The following LGALS9B variants were observed in gnomAD, a reference collection of about 807,000 sequenced individuals.
LGALS9B encodes galectin 9B.
A neutral mutation model predicts 35.9 loss-of-function variants in LGALS9B; 8 were observed. The ratio of observed to expected loss-of-function variants is 0.22; its 90% CI spans 0.13 to 0.40. The LOEUF (loss-of-function observed/expected upper bound fraction) is 0.40. Ranked by LOEUF, LGALS9B falls within the 10% of genes least tolerant of loss-of-function variation. The pLI is 1.00. For missense variants in LGALS9B, 101 were observed against 397.9 expected (o/e 0.25, Z 6.35); for synonymous variants, 42 against 148.6 (o/e 0.28, Z 5.22).
At chr17:20,463,987 C>T (rs1337962459) in intron 1 of LGALS9B, among the ~76,000 whole-genome samples, 1 of 151,396 alleles carries the variant, frequency 6.6e-6, no homozygotes, top group East Asian at 2.0e-4. Flanking sequence ...CCAATGTAAT[C>T]ACAAAGGTCC....
intron 10 of LGALS9B, among the ~76,000 whole-genome samples, chr17:20,451,262 T>C (rs56340236): frequency 0.4 from 52,169 of 130,740 alleles, 7,703 homozygotes; most frequent in Middle Eastern, 0.47. Context: ...CACTTGTGAG[T>C]TTCTTTCCTC....
intron 1 of LGALS9B, among the ~76,000 whole-genome samples, chr17:20,461,391 T>C (rs1471168853): frequency 7.9e-5 from 12 of 152,048 alleles, no homozygotes; most frequent in Non-Finnish European, 1.6e-4. Flanking sequence ...GCTTCACCAC[T>C]GTCACCCACC....
rs1442231608 is a variant in LGALS9B at position 20,454,553 on chromosome 17, G to T, written c.540+750C>A. Among the ~76,000 whole-genome samples, 7 of 148,440 alleles carry T rather than the reference G, an allele frequency of 4.7e-5. No individual in the cohort carries two copies. In the Admixed American group the frequency reaches 4.7e-4, roughly 10 times the overall value. On this transcript the variant is annotated intron_variant, in intron 5 of 10. Coordinates refer to ENST00000423676, the MANE Select transcript of LGALS9B (RefSeq NM_001367292.2). ...TAGGGAGATGGGGGTGGAGTGACAG[G>T]GACAGACACGCAAACAGTTACAATG... is the stretch of plus-strand genomic sequence containing the variant.
At position 20,460,345 on chromosome 17, in the gene LGALS9B, C is replaced by G; in HGVS notation, c.131+7G>C. The G allele has an allele frequency of 1.9e-6, 3 of 1,603,354 alleles. No homozygotes were observed. The highest frequency in any genetic ancestry group is 2.6e-6 in the Non-Finnish European group (3 of 1,171,828). ...GGAGTGAAACGTTTCCATCCATATA[C>G]ACACACCTGGTTCCACTGGAGCTGA... On this transcript the variant is annotated splice_region_variant and intron_variant, in intron 2 of 10. Coordinates refer to ENST00000423676, the MANE Select transcript of LGALS9B (RefSeq NM_001367292.2).
In LGALS9B at chr17:20,451,894, G is replaced by C. The variant is rs1237990367; in HGVS notation, c.673-11C>G. 1 of 1,372,218 alleles carries C rather than the reference G, an allele frequency of 7.3e-7. No homozygotes were observed. The highest frequency in any genetic ancestry group is 1.2e-5 in the South Asian group (1 of 85,508). 85.0% of individuals were successfully genotyped at this position (1,372,218 alleles called of 1,614,324 possible). ...GATGAAAGGCATCGGCTGTCAGAAG[G>C]ACGGGGACAGGTCAGCCAGTGGCAG... On this transcript the variant is annotated splice_polypyrimidine_tract_variant and intron_variant, in intron 8 of 10. Transcript: ENST00000423676.
intron 3 of LGALS9B, among the ~76,000 whole-genome samples, chr17:20,457,775 T>C (rs2042698192): frequency 6.6e-6 from 1 of 151,554 alleles, no homozygotes; most frequent in African/African-American, 2.4e-5. Context: ...TAATTTGCAA[T>C]GTGCTTACAG....
At position 20,464,093 on chromosome 17, in the gene LGALS9B, G is replaced by GTTTTTT. The variant is rs59320210; in HGVS notation, c.39+3333_39+3338dup. Among the ~76,000 whole-genome samples, 12 of 89,896 alleles carry GTTTTTT rather than the reference G, an allele frequency of 1.3e-4. 1 individual carries two copies. The highest frequency in any genetic ancestry group is 6.5e-4 in the African/African-American group (12 of 18,528). 59.0% of individuals were successfully genotyped at this position (89,896 alleles called of 152,430 possible). Reference sequence around the variant, plus strand: ...GGGGTTTTGTTTGTTTGTTTGTTGTGTTTTTTTTTTTTTTTTTTTTTTGAG... The same window carrying GTTTTTT: ...GGGGTTTTGTTTGTTTGTTTGTTGTGTTTTTTTTTTTTTTTTTTTTTTTTTTTTGAG... On this transcript the variant is annotated intron_variant, in intron 1 of 10. Coordinates refer to ENST00000423676, the MANE Select transcript of LGALS9B (RefSeq NM_001367292.2).
At chr17:20,455,755 T>G (rs1398166115) in intron 4 of LGALS9B, among the ~76,000 whole-genome samples, 1 of 151,194 alleles carries the variant, frequency 6.6e-6, no homozygotes, top group Non-Finnish European at 1.5e-5. Flanking sequence ...GCAGCTCCCA[T>G]CCAGCTGCCG....
In LGALS9B at chr17:20,452,349, A is replaced by G; in HGVS notation, c.672+2T>C. 1 of 282,446 alleles carries G rather than the reference A, an allele frequency of 3.5e-6. No individual in the cohort carries two copies. 17.5% of individuals were successfully genotyped at this position (282,446 alleles called of 1,614,324 possible). On this transcript the variant is annotated splice_donor_variant, in intron 8 of 10. Transcript: ENST00000423676. LOFTEE classifies it high-confidence loss of function. ...CTCTGCCCTCCCTGAGAAACCACTT[A>G]CATAGGCAGGGTGGGGGTACATCAT...
chr17:20,460,232 T>A lies in LGALS9B; in HGVS notation c.131+120A>T, dbSNP rs2042716604. The A allele has an allele frequency of 2.0e-5, 31 of 1,538,778 alleles. No homozygotes were observed. In the South Asian group the frequency reaches 3.4e-4, roughly 17 times the overall value. Reference sequence around the variant, plus strand: ...GCATGGGTTAAGGATGCATTGGGTCTCCCCTGCGCCAGGCACGTGAGCTTG... The same window carrying A: ...GCATGGGTTAAGGATGCATTGGGTCACCCCTGCGCCAGGCACGTGAGCTTG... On this transcript the variant is annotated intron_variant, in intron 2 of 10. Transcript: ENST00000423676.
At chr17:20,455,788 C>T (rs2042685593) in intron 4 of LGALS9B, among the ~76,000 whole-genome samples, 1 of 150,624 alleles carries the variant, frequency 6.6e-6, no homozygotes, top group South Asian at 2.1e-4. Context: ...AATGTGGGCC[C>T]AGCATACCCT....
At chr17:20,466,387 C>A (rs2042762901) in intron 1 of LGALS9B, among the ~76,000 whole-genome samples, 1 of 151,796 alleles carries the variant, frequency 6.6e-6, no homozygotes, top group African/African-American at 2.4e-5. Context: ...CCAAGCCCGA[C>A]CCTGGCCTCT....
At chr17:20,461,832 T>C (rs2042731778) in intron 1 of LGALS9B, among the ~76,000 whole-genome samples, 1 of 70,230 alleles carries the variant, frequency 1.4e-5, no homozygotes, top group Admixed American at 1.4e-4. Flanking sequence ...TCTAATTTCT[T>C]GGGGGAAATC....
intron 1 of LGALS9B, among the ~76,000 whole-genome samples, chr17:20,466,203 G>C (rs2142429925): frequency 6.6e-6 from 1 of 151,628 alleles, no homozygotes; most frequent in African/African-American, 2.4e-5. Context: ...CTCCCTCTAT[G>C]CAGGTTCTAC....
intron 10 of LGALS9B, among the ~76,000 whole-genome samples, chr17:20,450,556 CA>C (rs1798142334): frequency 9.7e-6 from 1 of 102,802 alleles, no homozygotes. Context: ...AAGCGTGCTA[CA>C]GATACTGCCT....
At chr17:20,460,875 T>C (rs2142422940) in intron 1 of LGALS9B, among the ~76,000 whole-genome samples, 1 of 147,352 alleles carries the variant, frequency 6.8e-6, no homozygotes, top group East Asian at 2.0e-4. Flanking sequence ...CCCAGCGCCC[T>C]GGCTGGGGAC....
At chr17:20,465,139 G>C (rs946292741) in intron 1 of LGALS9B, among the ~76,000 whole-genome samples, 18 of 148,974 alleles carry the variant, frequency 1.2e-4, no homozygotes, top group Admixed American at 5.4e-4. Context: ...CTGCGGACCA[G>C]AATGTGGGCA....
chr17:20,454,392 G>T (rs1234558216), intron 5 of LGALS9B, among the ~76,000 whole-genome samples: 2 of 150,068 alleles, frequency 1.3e-5, no homozygotes, highest in African/African-American at 4.9e-5. Flanking sequence ...GACTGTTCTT[G>T]CCCTGGCTGG....
In LGALS9B at chr17:20,451,639, G is replaced by T; in HGVS notation, c.766C>A (p.His256Asn). ...GTVLPSAQRFHINLCSGSHIA... is the reference protein window; with the variant it reads ...GTVLPSAQRFNINLCSGSHIA... ...TGGCTCCCAGAGCACAGGTTGATGT[G>T]GAACCTGCGGTGGGCAGCCTACCTG... Residue 256 changes from histidine to asparagine, a missense_variant, in exon 10 of 11, where the codon CAC becomes AAC. Coordinates refer to ENST00000423676, the MANE Select transcript of LGALS9B (RefSeq NM_001367292.2). 3 of 1,600,026 alleles carry T rather than the reference G, an allele frequency of 1.9e-6. No homozygotes were observed. Among genetic ancestry groups the T allele is most frequent in the Non-Finnish European group, 2.6e-6 (3 of 1,173,142 alleles).
Sources: gnomAD v4.1 joint callset for allele counts (sites outside exome capture counted in the v4.1 genomes callset) on GRCh38, gnomAD v4.1.1 for gene constraint, MANE v1.5 for transcripts, NCBI Gene and HGNC (gene_info 2026-07-23, HGNC 2026-07-21) for gene names.